TMEM201: variants seen among roughly 807,000 people sequenced by gnomAD.
TMEM201 encodes the protein transmembrane protein 201.
Under a neutral mutation model 63.4 loss-of-function variants are expected in TMEM201, and 26 were observed. The observed-to-expected ratio is 0.41, with a 90% CI of 0.30 to 0.57. The LOEUF is 0.57. TMEM201 is among the 20% of genes least tolerant of loss of function. The pLI is 0.29. For missense variants in TMEM201, 794 were observed against 917.7 expected (o/e 0.87, Z 1.74); for synonymous variants, 417 against 421.6 (o/e 0.99, Z 0.14).
chr1:9,588,948 G>A lies in TMEM201; in HGVS notation c.18G>A (p.Ala6=). The change falls in exon 1 of 11, where the codon GCG becomes GCA. Residue 6 remains alanine (A), a synonymous_variant. Transcript: ENST00000340381. ...GGAGAGCCATGGAGGGAGTGAGCGC[G>A]CTGCTGGCCCGCTGCCCCACGGCCG... is the stretch of plus-strand genomic sequence containing the variant. MEGVS[A]LLARCPTAGL... is the part of the protein sequence containing the mutation. 1 of 1,275,434 alleles carries A rather than the reference G, an allele frequency of 7.8e-7. No homozygotes were observed. Among genetic ancestry groups the A allele is most frequent in the South Asian group, 1.5e-5 (1 of 65,394 alleles). The allele number at this position is 1,275,434 out of a possible 1,614,324, so 79.0% of individuals were successfully genotyped here.
At chr1:9,596,241 G>A (rs751612841) in intron 2 of TMEM201, among the ~76,000 whole-genome samples, 2 of 152,246 alleles carry the variant, frequency 1.3e-5, no homozygotes, top group Non-Finnish European at 2.9e-5. Context: ...GACGCAGGGA[G>A]CCATGGCAGT....
At chr1:9,602,999 G>A (rs2100498162) in intron 6 of TMEM201, 2 of 985,586 alleles carry the variant, frequency 2.0e-6, no homozygotes, top group African/African-American at 1.7e-5. Context: ...TTTGGGGAGC[G>A]AGACCCCACC....
chr1:9,590,502 T>A (rs1213275423), intron 1 of TMEM201, among the ~76,000 whole-genome samples: 2 of 152,180 alleles, frequency 1.3e-5, no homozygotes, highest in Non-Finnish European at 2.9e-5. Flanking sequence ...GGTGGCTCAC[T>A]GTGCCACACA....
Position 9,588,928 on chromosome 1 carries a change from G to T in TMEM201, c.-3G>T. ...GGCCTGCCGTCCTTCCACGCGGAGAGCCATGGAGGGAGTGAGCGCGCTGCT... is the reference window on the plus strand; with the variant it reads ...GGCCTGCCGTCCTTCCACGCGGAGATCCATGGAGGGAGTGAGCGCGCTGCT... On this transcript the variant is annotated 5_prime_UTR_variant, in exon 1 of 11. Transcript: ENST00000340381. 7.8e-7 allele frequency: 1 copy of T among 1,281,560 alleles called. No homozygotes were observed. Among genetic ancestry groups the T allele is most frequent in the Non-Finnish European group, 1.0e-6 (1 of 994,836 alleles). The allele number at this position is 1,281,560 out of a possible 1,614,324, so 79.4% of individuals were successfully genotyped here.
chr1:9,610,431 C>A lies in TMEM201; in HGVS notation c.1466-75C>A. ...TCCCGGGTTAATAGAAGAATGCCCC[C>A]AGAAATGAAATAGCGCATTGTAGCG... On this transcript the variant is annotated intron_variant, in intron 8 of 10. Coordinates refer to ENST00000340381, the MANE Select transcript of TMEM201 (RefSeq NM_001130924.3). The surrounding 1 kb of genome is among the most constrained non-coding windows in gnomAD (Gnocchi z 4.9). 1 of 1,357,938 alleles carries A rather than the reference C, an allele frequency of 7.4e-7. No individual in the cohort carries two copies. Among genetic ancestry groups the A allele is most frequent in the Non-Finnish European group, 9.8e-7 (1 of 1,022,198 alleles). The allele number at this position is 1,357,938 out of a possible 1,614,324, so 84.1% of individuals were successfully genotyped here.
Position 9,610,231 on chromosome 1 carries a change from G to A in TMEM201, c.1466-275G>A, listed in dbSNP as rs1424725755. Among the ~76,000 whole-genome samples the A allele has an allele frequency of 6.6e-6, 1 of 152,156 alleles. No homozygotes were observed. Among genetic ancestry groups the A allele is most frequent in the African/African-American group, 2.4e-5 (1 of 41,436 alleles). On this transcript the variant is annotated intron_variant, in intron 8 of 10. Coordinates refer to ENST00000340381, the MANE Select transcript of TMEM201 (RefSeq NM_001130924.3). The surrounding 1 kb of genome is among the most constrained non-coding windows in gnomAD (Gnocchi z 4.9). ...TACCTCCAGGGTTTGCTGCTATCTG[G>A]CCTTGCTCTCAGCTGATGGTACCCA...
At position 9,597,040 on chromosome 1, in the gene TMEM201, C is replaced by T. The variant is rs147267177; in HGVS notation, c.416C>T (p.Ala139Val). Residue 139 changes from alanine (A) to valine (V), a missense_variant, in exon 3 of 11, where the codon GCT becomes GTT. By Grantham distance (64) the Ala-to-Val change is moderately conservative (BLOSUM62 0). Transcript: ENST00000340381. Reference protein sequence around the residue: ...TTKIKQLAAFAPREEGRYDEE... With the variant: ...TTKIKQLAAFVPREEGRYDEE... Reference sequence around the variant, plus strand: ...AAGATCAAGCAGCTGGCCGCCTTCGCTCCCCGCGAGGAGGTGAGGCCGGGT... The same window carrying T: ...AAGATCAAGCAGCTGGCCGCCTTCGTTCCCCGCGAGGAGGTGAGGCCGGGT... 4 of 1,605,676 alleles carry T rather than the reference C, an allele frequency of 2.5e-6. No individual in the cohort carries two copies. In the African/African-American group the frequency reaches 4.0e-5, roughly 16 times the overall value.
chr1:9,600,483 C>T (rs1366933983), intron 4 of TMEM201, among the ~76,000 whole-genome samples: 2 of 152,156 alleles, frequency 1.3e-5, no homozygotes, highest in Non-Finnish European at 2.9e-5. Context: ...CCCCTAAAAC[C>T]CATGCTCAGA....
chr1:9,597,019 T>C lies in TMEM201; in HGVS notation c.395T>C (p.Ile132Thr). 1.2e-6 allele frequency: 2 copies of C among 1,610,092 alleles called. No individual in the cohort carries two copies. The highest frequency in any genetic ancestry group is 1.7e-6 in the Non-Finnish European group (2 of 1,177,496). ...TGCAACCACCACCAGACCACCAAGATCAAGCAGCTGGCCGCCTTCGCTCCC... is the reference window on the plus strand; with the variant it reads ...TGCAACCACCACCAGACCACCAAGACCAAGCAGCTGGCCGCCTTCGCTCCC... ...KRCNHHQTTK[I>T]KQLAAFAPRE... is the part of the protein sequence containing the mutation. The change falls in exon 3 of 11, where the codon ATC becomes ACC. Residue 132 changes from isoleucine to threonine, a missense_variant. Physicochemically the swap from Ile to Thr is moderately conservative, Grantham distance 89. Transcript: ENST00000340381.
rs1553151070 is a variant in TMEM201 at position 9,601,699 on chromosome 1, G to GGGCTCTGTCAAATCAGGAT, written c.956+247_956+265dup. Among the ~76,000 whole-genome samples the GGGCTCTGTCAAATCAGGAT allele has an allele frequency of 1.4e-4, 22 of 152,256 alleles. No individual in the cohort carries two copies. The South Asian group carries it at 4.1e-3, about 29-fold the overall frequency. ...CCGGGTTGCCTCCTCTCTCCTCCTC[G>GGGCTCTGTCAAATCAGGAT]GGCTCTGTCAAATCAGGATGACGAT... On this transcript the variant is annotated intron_variant, in intron 5 of 10. Coordinates refer to ENST00000340381, the MANE Select transcript of TMEM201 (RefSeq NM_001130924.3).
rs947978790 is a variant in TMEM201, at chr1:9,614,169, C to T, written c.*1086C>T. The stretch of plus-strand genomic sequence containing the variant: ...CCTGGGGCAGTGTGTGTCTGCTGGT[C>T]ATGTGCTGGTGCCAGTTGGGGAGGA... On this transcript the variant is annotated 3_prime_UTR_variant, in exon 11 of 11. Transcript: ENST00000340381. The T allele has an allele frequency of 3.3e-5, 5 of 151,870 alleles. No homozygotes were observed. The highest frequency in any genetic ancestry group is 5.9e-5 in the Non-Finnish European group (4 of 68,062). 9.4% of individuals were successfully genotyped at this position (151,870 alleles called of 1,614,324 possible).
intron 1 of TMEM201, among the ~76,000 whole-genome samples, 153 bp from the exon 2 acceptor site, chr1:9,595,737 G>T (rs4073710): frequency 1.3e-5 from 2 of 152,036 alleles, no homozygotes; most frequent in Non-Finnish European, 2.9e-5. Context: ...TCCTCCTGCT[G>T]TTCTGGGGCC....
intron 9 of TMEM201, chr1:9,611,065 C>A: frequency 6.6e-7 from 1 of 1,515,424 alleles, no homozygotes; most frequent in Non-Finnish European, 8.8e-7. Flanking sequence ...ACACATCACG[C>A]ATTGCCAGGT....
intron 1 of TMEM201, among the ~76,000 whole-genome samples, chr1:9,593,260 T>C (rs949935235): frequency 3.9e-5 from 6 of 152,340 alleles, no homozygotes; most frequent in Admixed American, 2.0e-4. Flanking sequence ...GTGTTTCACA[T>C]GTGGTCATGT....
rs992279267 is a variant in TMEM201 at position 9,613,143 on chromosome 1, G to T, written c.*60G>T. The T allele has an allele frequency of 2.7e-6, 4 of 1,508,108 alleles. No individual in the cohort carries two copies. The highest frequency in any genetic ancestry group is 3.9e-5 in the Admixed American group (2 of 50,908). The allele number at this position is 1,508,108 out of a possible 1,614,324, so 93.4% of individuals were successfully genotyped here. A position where few individuals can be genotyped will look rare whatever the true frequency, so the allele number is the denominator to read the frequency against. ...GGTGCCTGCTGCTTCACCACTGCCG[G>T]CCTCAGGACCCTCCCTGGAGGGGCT... On this transcript the variant is annotated 3_prime_UTR_variant, in exon 11 of 11. Coordinates refer to ENST00000340381, the MANE Select transcript of TMEM201 (RefSeq NM_001130924.3).
intron 2 of TMEM201, among the ~76,000 whole-genome samples, chr1:9,596,233 C>T (rs765215203): frequency 6.6e-6 from 1 of 152,230 alleles, no homozygotes; most frequent in Non-Finnish European, 1.5e-5. Context: ...AGGAACCCGA[C>T]GCAGGGAGCC....
At position 9,604,113 on chromosome 1, in the gene TMEM201, G is replaced by C. The variant is rs1327508441; in HGVS notation, c.1160+1841G>C. 9.1e-6 allele frequency: 9 copies of C among 985,338 alleles called. No homozygotes were observed. The highest frequency in any genetic ancestry group is 1.1e-5 in the Non-Finnish European group (9 of 829,948). 61.0% of individuals were successfully genotyped at this position (985,338 alleles called of 1,614,324 possible). A position where few individuals can be genotyped will look rare whatever the true frequency, so the allele number is the denominator to read the frequency against. ...AGCCAGGACGGGAAAGCGTCCTGTC[G>C]GCTGGCCATGCTGTTGCTTGCGTCT... On this transcript the variant is annotated intron_variant, in intron 6 of 10. Transcript: ENST00000340381. This position sits in a 1 kb window ranked among gnomAD's most constrained non-coding sequence, Gnocchi z 4.1.
At chr1:9,594,091 A>G (rs999835464) in intron 1 of TMEM201, among the ~76,000 whole-genome samples, 1 of 152,208 alleles carries the variant, frequency 6.6e-6, no homozygotes, top group Non-Finnish European at 1.5e-5. Context: ...ATTCTCCTGT[A>G]GGATCCTCAC....
rs1467818987 is a variant in TMEM201, at chr1:9,603,726, C to T, written c.1160+1454C>T. On this transcript the variant is annotated intron_variant, in intron 6 of 10. Coordinates refer to ENST00000340381, the MANE Select transcript of TMEM201 (RefSeq NM_001130924.3). This position sits in a 1 kb window ranked among gnomAD's most constrained non-coding sequence, Gnocchi z 4.5. The stretch of plus-strand genomic sequence containing the variant: ...CGCCTGGGGGTCCTAGAGGCTGCCC[C>T]ACCCCAGTGATTGGGTAGCAGCTCA... 2.0e-6 allele frequency: 2 copies of T among 985,336 alleles called. No homozygotes were observed. The highest frequency in any genetic ancestry group is 9.4e-5 in the South Asian group (2 of 21,296). 61.0% of individuals were successfully genotyped at this position (985,336 alleles called of 1,614,324 possible).
Sources: allele counts gnomAD v4.1 joint callset (sites outside exome capture counted in the v4.1 genomes callset), GRCh38; gene constraint gnomAD v4.1.1; non-coding constraint Gnocchi (gnomAD v3.1); transcripts MANE v1.5; gene names NCBI Gene and HGNC (gene_info 2026-07-23, HGNC 2026-07-21).